PHC2: variants seen among roughly 807,000 people sequenced by gnomAD.
The protein encoded by PHC2 is polyhomeotic homolog 2.
In PHC2, 29 loss-of-function variants were observed where a neutral mutation model predicts 87.4. The ratio of observed to expected loss-of-function variants is 0.33; its 90% CI spans 0.25 to 0.45. PHC2 has a LOEUF of 0.45. Ranked by LOEUF, PHC2 falls within the 20% of genes least tolerant of loss-of-function variation. PHC2 has a pLI of 1.00. For missense variants in PHC2, 857 were observed against 1,136.7 expected, an observed-to-expected ratio of 0.75 and a Z score of 3.54; for synonymous variants, 438 against 461.7, an observed-to-expected ratio of 0.95 and a Z score of 0.66.
At chr1:33,396,936 T>A (rs1194658096) in intron 1 of PHC2, among the ~76,000 whole-genome samples, 1 of 152,186 alleles carries the variant, frequency 6.6e-6, no homozygotes, top group Admixed American at 6.5e-5. Context: ...CTTTCAAGGC[T>A]GAAATGGAGA....
chr1:33,366,228 G>A (rs1457278107), intron 7 of PHC2, among the ~76,000 whole-genome samples: 1 of 152,204 alleles, frequency 6.6e-6, no homozygotes, highest in African/African-American at 2.4e-5. Context: ...TGCGATCAGC[G>A]TGACCCTCTC....
At chr1:33,400,584 C>A (rs1649483091) in intron 1 of PHC2, among the ~76,000 whole-genome samples, 1 of 152,154 alleles carries the variant, frequency 6.6e-6, no homozygotes, top group African/African-American at 2.4e-5. Context: ...GAAAATGAGA[C>A]TCACAGAGGT....
At chr1:33,345,509 C>CA (rs1370108468) in intron 9 of PHC2, 28 of 975,250 alleles carry the variant, frequency 2.9e-5, no homozygotes, top group African/African-American at 5.3e-5. Flanking sequence ...GAGAAGGAAA[C>CA]AAAAAAAACC....
chr1:33,344,960 G>A (rs910379928), intron 9 of PHC2, among the ~76,000 whole-genome samples: 2 of 151,812 alleles, frequency 1.3e-5, no homozygotes, highest in Non-Finnish European at 2.9e-5. Flanking sequence ...CATTTGCTTT[G>A]ATTGTTCAAA....
chr1:33,402,351 A>G (rs1456300482), intron 1 of PHC2, among the ~76,000 whole-genome samples: 1 of 152,246 alleles, frequency 6.6e-6, no homozygotes, highest in East Asian at 1.9e-4. Flanking sequence ...GTAAAAAATG[A>G]TTCAATCACT....
chr1:33,398,677 GGTCCT>G (rs943163284), intron 1 of PHC2, among the ~76,000 whole-genome samples: 1 of 152,148 alleles, frequency 6.6e-6, no homozygotes, highest in Non-Finnish European at 1.5e-5. Flanking sequence ...TGCCCACATT[GGTCCT>G]CTGCATTGAA....
Position 33,351,975 on chromosome 1 carries a change from C to A in PHC2, c.1558+2426G>T, listed in dbSNP as rs1000825675. ...TCAAAAAAAAAAAAAAAAAAAAAGA[C>A]ATACACAGAATGGATATTTAAGTCT... On this transcript the variant is annotated intron_variant, in intron 9 of 14. Coordinates refer to ENST00000683057, the MANE Select transcript of PHC2 (RefSeq NM_001385109.1). 8.1e-4 allele frequency among the ~76,000 whole-genome samples: 106 copies of A among 131,666 alleles called. 1 individual carries two copies. In the East Asian group the frequency reaches 0.02, roughly 25 times the overall value. 86.4% of individuals were successfully genotyped at this position (131,666 alleles called of 152,430 possible). A position where few individuals can be genotyped will look rare whatever the true frequency, so the allele number is the denominator to read the frequency against.
At chr1:33,404,150 C>T (rs1303677219) in intron 1 of PHC2, among the ~76,000 whole-genome samples, 10 of 152,154 alleles carry the variant, frequency 6.6e-5, no homozygotes, top group Admixed American at 6.5e-4. Flanking sequence ...AATTGAAACT[C>T]ATGATTTCCC....
intron 14 of PHC2, among the ~76,000 whole-genome samples, chr1:33,328,417 T>C (rs562242943): frequency 7.2e-6 from 1 of 139,420 alleles, no homozygotes; most frequent in Non-Finnish European, 1.5e-5. Context: ...GGTCTCACCA[T>C]GTTGCCCAGG....
At chr1:33,327,798 GTGAGGCAC>G (rs1557815161) in intron 14 of PHC2, among the ~76,000 whole-genome samples, 1 of 152,200 alleles carries the variant, frequency 6.6e-6, no homozygotes, top group Non-Finnish European at 1.5e-5. Context: ...AATCACGTGA[GTGAGGCAC>G]CTTGGAAGAG....
intron 9 of PHC2, among the ~76,000 whole-genome samples, chr1:33,342,558 G>A (rs1338153386): frequency 6.6e-6 from 1 of 150,622 alleles, no homozygotes; most frequent in African/African-American, 2.5e-5. Flanking sequence ...GGGAGCAGTG[G>A]GGGATTTCCA....
intron 1 of PHC2, among the ~76,000 whole-genome samples, chr1:33,379,753 T>C (rs1648399101): frequency 6.6e-6 from 1 of 151,588 alleles, no homozygotes; most frequent in South Asian, 2.1e-4. Flanking sequence ...TCTTGCCCTC[T>C]TGCCCCGCTG....
At chr1:33,346,807 G>A (rs1200172757) in intron 9 of PHC2, 1 of 985,162 alleles carries the variant, frequency 1.0e-6, no homozygotes, top group Non-Finnish European at 1.2e-6. Context: ...AAGGCAGTGA[G>A]GTCATCCCCT....
chr1:33,373,086 C>T (rs1230679315), intron 2 of PHC2, among the ~76,000 whole-genome samples: 1 of 151,928 alleles, frequency 6.6e-6, no homozygotes, highest in Non-Finnish European at 1.5e-5. Context: ...CAGAGCAGGC[C>T]AGTGCCACAG....
At chr1:33,360,270 C>G (rs1291307592) in intron 7 of PHC2, among the ~76,000 whole-genome samples, 1 of 152,258 alleles carries the variant, frequency 6.6e-6, no homozygotes, top group Non-Finnish European at 1.5e-5. Context: ...CTGCAGCCCT[C>G]TGGAAAAACT....
intron 1 of PHC2, among the ~76,000 whole-genome samples, chr1:33,406,483 C>G (rs1649768515): frequency 6.6e-6 from 1 of 152,058 alleles, no homozygotes; most frequent in African/African-American, 2.4e-5. Flanking sequence ...GTTATGACAA[C>G]CAAAAATAAG....
Position 33,341,334 on chromosome 1 carries a change from C to T in PHC2, c.1559-7042G>A, listed in dbSNP as rs1557823184. On this transcript the variant is annotated intron_variant, in intron 9 of 14. Coordinates refer to ENST00000683057, the MANE Select transcript of PHC2 (RefSeq NM_001385109.1). ...TGGAGGGAGGGCTGCGCTGATTAGCCGTGGATAGCACGAGGGCACTTGGGA... is the reference window on the plus strand; with the variant it reads ...TGGAGGGAGGGCTGCGCTGATTAGCTGTGGATAGCACGAGGGCACTTGGGA... Among the ~76,000 whole-genome samples the T allele has an allele frequency of 2.0e-5, 3 of 152,192 alleles. No homozygotes were observed. In the South Asian group the frequency reaches 6.2e-4, roughly 31 times the overall value.
At chr1:33,388,412 C>T (rs12039069) in intron 1 of PHC2, among the ~76,000 whole-genome samples, 42,232 of 151,304 alleles carry the variant, frequency 0.28, 6,615 homozygotes, top group Admixed American at 0.44. Context: ...CAACCTCCGC[C>T]TCCCAGGTTC....
chr1:33,327,465 G>T (rs1364582452), intron 14 of PHC2, among the ~76,000 whole-genome samples: 1 of 152,158 alleles, frequency 6.6e-6, no homozygotes, highest in Non-Finnish European at 1.5e-5. Context: ...GGGGGTCATG[G>T]TGAACTACAT....
Sources: gnomAD v4.1 joint callset for allele counts (sites outside exome capture counted in the v4.1 genomes callset) on GRCh38, gnomAD v4.1.1 for gene constraint, MANE v1.5 for transcripts, NCBI Gene and HGNC (gene_info 2026-07-23, HGNC 2026-07-21) for gene names.